Variants in ANK3 observed in about 807,000 individuals in gnomAD.
ANK3 encodes ankyrin-3.
ANK3 carries 57 observed loss-of-function variants against 370.9 expected under a neutral mutation model. That is an observed-to-expected ratio of 0.15 (90% CI 0.12 to 0.19). ANK3 has a LOEUF of 0.19. Among genes scored for constraint, ANK3 ranks in the 10% least tolerant of loss-of-function variants. The pLI is 1.00. For synonymous variants in ANK3, 1,929 were observed against 1,946.3 expected (o/e 0.99, Z 0.23); for missense variants, 4,439 against 5,302.1 (o/e 0.84, Z 5.06).
intron 2 of ANK3, among the ~76,000 whole-genome samples, chr10:60,572,096 C>T (rs1252892298): frequency 6.6e-6 from 1 of 152,060 alleles, no homozygotes; most frequent in Non-Finnish European, 1.5e-5. Context: ...TAATAATATT[C>T]ATTAGTAATT....
At position 60,286,113 on chromosome 10, in the gene ANK3, AC is replaced by A. The variant is rs1305987640; in HGVS notation, c.115-6475del. On this transcript the variant is annotated intron_variant, in intron 1 of 43. Transcript: ENST00000280772. ...TTCAAAGAAAAATCATAACATAAAC[AC>A]CCACATACCCTCTTTTCAGCTCAAG... Among the ~76,000 whole-genome samples the A allele has an allele frequency of 7.9e-5, 12 of 152,130 alleles. 1 individual carries two copies. Among genetic ancestry groups the A allele is most frequent in the Non-Finnish European group, 1.5e-5 (1 of 68,022 alleles).
chr10:60,401,985 A>G (rs571350531), intron 2 of ANK3, among the ~76,000 whole-genome samples: 47 of 152,188 alleles, frequency 3.1e-4, no homozygotes, highest in Non-Finnish European at 6.0e-4. Context: ...CTCTACTTAT[A>G]TATTCTCTGT....
chr10:60,545,455 G>C (rs201725433), intron 2 of ANK3, among the ~76,000 whole-genome samples: 1 of 145,850 alleles, frequency 6.9e-6, no homozygotes, highest in Non-Finnish European at 1.5e-5. Context: ...AAAAAAAATA[G>C]TTCTACAAAT....
Position 60,112,302 on chromosome 10 carries a change from A to G in ANK3, c.2948+1923T>C, listed in dbSNP as rs565790456. Among the ~76,000 whole-genome samples, 532 of 64,442 alleles carry G rather than the reference A, an allele frequency of 8.3e-3. 7 individuals are homozygous for G. Among genetic ancestry groups the G allele is most frequent in the African/African-American group, 0.025 (507 of 20,456 alleles). The allele number at this position is 64,442 out of a possible 152,430, so 42.3% of individuals were successfully genotyped here. A position where few individuals can be genotyped will look rare whatever the true frequency, so the allele number is the denominator to read the frequency against. On this transcript the variant is annotated intron_variant, in intron 26 of 43. Coordinates refer to ENST00000280772, the MANE Select transcript of ANK3 (RefSeq NM_020987.5). ...AGCGTGATTCAAAAAACTCTTCAAC[A>G]TCTTTGCTCCCTGAATGTATCCCAG...
chr10:60,160,186 C>A (rs1274853699), intron 23 of ANK3, among the ~76,000 whole-genome samples: 1 of 151,428 alleles, frequency 6.6e-6, no homozygotes. Context: ...AAGAGAAGAC[C>A]CAAATAAATA....
At chr10:60,338,234 C>T (rs1225300612) in intron 1 of ANK3, among the ~76,000 whole-genome samples, 1 of 152,112 alleles carries the variant, frequency 6.6e-6, no homozygotes, top group Non-Finnish European at 1.5e-5. Flanking sequence ...CTAGAATAAA[C>T]CTTCCCCCAT....
intron 7 of ANK3, among the ~76,000 whole-genome samples, chr10:60,236,545 G>A (rs923905807): frequency 2.0e-5 from 3 of 152,094 alleles, no homozygotes; most frequent in African/African-American, 4.8e-5. Flanking sequence ...GACTGATTGA[G>A]TCCTCATGGG....
At chr10:60,609,421 T>C (rs1163284789) in intron 2 of ANK3, among the ~76,000 whole-genome samples, 1 of 152,134 alleles carries the variant, frequency 6.6e-6, no homozygotes, top group African/African-American at 2.4e-5. Flanking sequence ...GAGATGAATA[T>C]TGTAGAGTAA....
chr10:60,650,433 A>G (rs1213316243), intron 1 of ANK3, among the ~76,000 whole-genome samples: 1 of 152,166 alleles, frequency 6.6e-6, no homozygotes, highest in Non-Finnish European at 1.5e-5. Flanking sequence ...AGGTGCTGCT[A>G]AAGAAAACTA....
intron 43 of ANK3, among the ~76,000 whole-genome samples, chr10:60,040,972 G>C (rs765234121): frequency 3.0e-4 from 46 of 152,166 alleles, no homozygotes; most frequent in Non-Finnish European, 7.3e-5. Flanking sequence ...CTTTCACCAG[G>C]TTCAGCAGTA....
Position 60,515,866 on chromosome 10 carries a change from T to A in ANK3, c.96+99320A>T, listed in dbSNP as rs72807951. Among the ~76,000 whole-genome samples, 784 of 152,266 alleles carry A rather than the reference T, an allele frequency of 5.1e-3. 4 individuals carry two copies. Among genetic ancestry groups the A allele is most frequent in the Non-Finnish European group, 6.7e-3 (455 of 68,022 alleles). ...GTAAAAACTATTCATTCCACTGGTA[T>A]CTTTTGGAACCAACTATGTACCAGG... On this transcript the variant is annotated intron_variant, in intron 2 of 43. Transcript: ENST00000373827.
chr10:60,663,730 T>C (rs2078964318), intron 1 of ANK3, among the ~76,000 whole-genome samples: 1 of 152,258 alleles, frequency 6.6e-6, no homozygotes, highest in Admixed American at 6.5e-5. Context: ...AAGTAAATTA[T>C]TTTAATTCTT....
At chr10:60,617,695 G>A (rs2078283929) in intron 1 of ANK3, among the ~76,000 whole-genome samples, 1 of 152,058 alleles carries the variant, frequency 6.6e-6, no homozygotes, top group Non-Finnish European at 1.5e-5. Flanking sequence ...ACTTTATAGA[G>A]CACACAACAT....
chr10:60,343,876 G>A (rs2054819378), intron 1 of ANK3, among the ~76,000 whole-genome samples: 2 of 152,198 alleles, frequency 1.3e-5, no homozygotes, highest in Non-Finnish European at 2.9e-5. Flanking sequence ...TGCGGGGCTG[G>A]AGAATCTATA....
rs750787171 is a variant in ANK3 at position 60,069,867 on chromosome 10, C to T, written c.11014G>A (p.Glu3672Lys). The stretch of plus-strand genomic sequence containing the variant: ...ACTGTAGGTGTCTCTACATTTCTCT[C>T]TAGATTGGTTTCTACAGTGGTGTCC... ...SGDTTVETNL[E>K]RNVETPTVEP... Residue 3672 changes from glutamate (E) to lysine (K), a missense_variant, in exon 37 of 44, where the codon GAG (glutamate) becomes AAG (lysine). Around this residue, in one of 13 missense-constraint regions of ANK3, gnomAD observed 496 missense variants for 529.3 expected, o/e 0.94. Transcript: ENST00000280772. 2 of 1,614,056 alleles carry T rather than the reference C, an allele frequency of 1.2e-6. No individual in the cohort carries two copies. The highest frequency in any genetic ancestry group is 1.7e-5 in the Admixed American group (1 of 60,002).
chr10:60,705,058 A>G (rs2079595877), intron 1 of ANK3, among the ~76,000 whole-genome samples: 1 of 152,184 alleles, frequency 6.6e-6, no homozygotes, highest in African/African-American at 2.4e-5. Flanking sequence ...GAATTACTTA[A>G]TTTTCAAAAT....
chr10:60,162,451 A>G (rs1218443456), intron 23 of ANK3, among the ~76,000 whole-genome samples: 2 of 152,176 alleles, frequency 1.3e-5, no homozygotes, highest in Non-Finnish European at 2.9e-5. Flanking sequence ...TAGACTTACA[A>G]GACTCCAACT....
intron 1 of ANK3, among the ~76,000 whole-genome samples, chr10:60,299,243 A>G (rs1253475791): frequency 1.3e-5 from 2 of 152,210 alleles, no homozygotes; most frequent in African/African-American, 2.4e-5. Context: ...ACGAAAGGTT[A>G]ATATTTTCGC....
chr10:60,622,705 T>C (rs960504140), intron 1 of ANK3, among the ~76,000 whole-genome samples: 1 of 152,186 alleles, frequency 6.6e-6, no homozygotes, highest in Admixed American at 6.6e-5. Flanking sequence ...AGAGCTATCT[T>C]AGTAAAATGC....
Sources: allele counts gnomAD v4.1 joint callset (sites outside exome capture counted in the v4.1 genomes callset), GRCh38; gene constraint gnomAD v4.1.1; regional missense constraint gnomAD v4.1.1; transcripts MANE v1.5; gene names NCBI Gene and HGNC (gene_info 2026-07-23, HGNC 2026-07-21).